NLRP9: variants seen among roughly 807,000 people sequenced by gnomAD.
The protein encoded by NLRP9 is NLR family pyrin domain containing 9, also known as NACHT, LRR and PYD domains-containing protein 9.
In NLRP9, 88 loss-of-function variants were observed where a neutral mutation model predicts 83.1. The ratio of observed to expected loss-of-function variants is 1.06; its 90% CI spans 0.89 to 1.26. NLRP9 has a LOEUF of 1.26. Ranked by LOEUF, NLRP9 falls within the 50% of genes most tolerant of loss-of-function variation. NLRP9 has a pLI of 0.00. For missense variants in NLRP9, 1,308 were observed against 1,179.3 expected, an observed-to-expected ratio of 1.11 and a Z score of -1.60; for synonymous variants, 521 against 447.6, an observed-to-expected ratio of 1.16 and a Z score of -2.07.
At position 55,709,059 on chromosome 19, in the gene NLRP9, A is replaced by G. The variant is rs1214730204; in HGVS notation, c.2844-15T>C. ...ATTTGTGCAGCCTGGGAAAATAGAAATAAAGTTTTTTTTTTTGTTTTTCAT... is the reference window on the plus strand; with the variant it reads ...ATTTGTGCAGCCTGGGAAAATAGAAGTAAAGTTTTTTTTTTTGTTTTTCAT... On this transcript the variant is annotated splice_polypyrimidine_tract_variant and intron_variant, in intron 8 of 8. Transcript: ENST00000332836. 2 of 1,552,494 alleles carry G rather than the reference A, an allele frequency of 1.3e-6. No homozygotes were observed. Among genetic ancestry groups the G allele is most frequent in the Non-Finnish European group, 1.7e-6 (2 of 1,159,342 alleles).
intron 4 of NLRP9, among the ~76,000 whole-genome samples, chr19:55,720,757 G>A (rs937751011): frequency 7.7e-4 from 117 of 152,264 alleles, no homozygotes; most frequent in African/African-American, 2.7e-3. Context: ...GAAGATATTT[G>A]CAATGCATGT....
rs755106555 is a variant in NLRP9, at chr19:55,732,816, TA to T, written c.1014del (p.Phe338LeufsTer10). 1 of 1,614,140 alleles carries T rather than the reference TA, an allele frequency of 6.2e-7. No homozygotes were observed. Among genetic ancestry groups the T allele is most frequent in the South Asian group, 1.1e-5 (1 of 91,080 alleles). ...GPLFILCHNPFTCWLVCTCVK... is the reference protein window; with the variant it reads ...GPLFILCHNPXTCWLVCTCVK... ...ACACAAGTACAGACCAACCAGCACG[TA>T]AAGGGATTATGGCACAAGATAAACA... is the stretch of plus-strand genomic sequence containing the variant. On this transcript the variant is annotated frameshift_variant, in exon 2 of 9. Transcript: ENST00000332836. LOFTEE classifies it high-confidence loss of function.
At position 55,720,427 on chromosome 19, in the gene NLRP9, G is replaced by C. The variant is rs988771936; in HGVS notation, c.2160-3529C>G. On this transcript the variant is annotated intron_variant, in intron 4 of 8. Coordinates refer to ENST00000332836, the MANE Select transcript of NLRP9 (RefSeq NM_176820.4). ...AGCAACCTTGGACCTTTGGGCTCAA[G>C]AGATCCTCCTGCATCAGCCTGATGA... 3.9e-5 allele frequency among the ~76,000 whole-genome samples: 6 copies of C among 152,350 alleles called. 1 individual carries two copies. The highest frequency in any genetic ancestry group is 3.9e-4 in the Admixed American group (6 of 15,302).
Position 55,711,804 on chromosome 19 carries a change from G to A in NLRP9, c.2839C>T (p.Leu947=), listed in dbSNP as rs1987738952. 1 of 1,612,996 alleles carries A rather than the reference G, an allele frequency of 6.2e-7. No homozygotes were observed. Among genetic ancestry groups the A allele is most frequent in the Non-Finnish European group, 8.5e-7 (1 of 1,179,766 alleles). ...AAGGAAACAGTGTCCACTCACCCCA[G>A]CATCTGCAGGGCACAGTCCGGGTGG... ...LSHPDCALQM[L]GLHKSGFDEE... is the part of the protein sequence containing the mutation. The change falls in exon 8 of 9, where the codon CTG becomes TTG. Residue 947 remains leucine (L), a synonymous_variant. Transcript: ENST00000332836.
chr19:55,734,749 C>T (rs1988740230), intron 1 of NLRP9, among the ~76,000 whole-genome samples: 1 of 151,768 alleles, frequency 6.6e-6, no homozygotes, highest in Admixed American at 6.6e-5. Context: ...ATTCTTCTGC[C>T]TCAGCCTCCC....
Position 55,712,570 on chromosome 19 carries a change from G to A in NLRP9, c.2522C>T (p.Thr841Ile), listed in dbSNP as rs1987780816. The A allele has an allele frequency of 2.5e-6, 4 of 1,612,418 alleles. No homozygotes were observed. The highest frequency in any genetic ancestry group is 3.4e-6 in the Non-Finnish European group (4 of 1,179,856). ...AGCAATGTCCTTACAGGAATCGGAA[G>A]TAAGGAAACAGCCCATCAACCTGGG... ...RELWLMGCFLTSDSCKDIAAV... is the reference protein window; with the variant it reads ...RELWLMGCFLISDSCKDIAAV... The change falls in exon 7 of 9, where the codon ACT becomes ATT. Residue 841 changes from threonine (T) to isoleucine (I), a missense_variant. Thr to Ile is a moderately conservative substitution (Grantham distance 89). Transcript: ENST00000332836.
chr19:55,721,472 C>A (rs560258032), intron 4 of NLRP9, among the ~76,000 whole-genome samples: 18 of 152,080 alleles, frequency 1.2e-4, no homozygotes, highest in Non-Finnish European at 2.5e-4. Context: ...TGGATTTAGG[C>A]AAATACCCCA....
rs150906167 is a variant in NLRP9 at position 55,724,015 on chromosome 19, C to T, written c.2124G>A (p.Thr708=). Residue 708 remains threonine (T), a synonymous_variant, in exon 4 of 9, where the codon ACG becomes ACA. Transcript: ENST00000332836. ...CTATCTTGCACATTGGATGTTTCAG[C>T]GTCTCACACAGGTGTCTGATGTCAG... is the stretch of plus-strand genomic sequence containing the variant. The part of the protein sequence containing the change: ...SQSDIRHLCE[T]LKHPMCKIEE... 1.5e-3 allele frequency: 2,402 copies of T among 1,613,824 alleles called. 22 individuals carry two copies. The African/African-American group carries it at 0.021, about 14-fold the overall frequency.
chr19:55,729,615 T>G (rs1988510681), intron 3 of NLRP9, among the ~76,000 whole-genome samples: 1 of 152,216 alleles, frequency 6.6e-6, no homozygotes. Flanking sequence ...TGTGCCACAT[T>G]TTCTTTATCC....
In NLRP9 at chr19:55,732,097, CA is replaced by C; in HGVS notation, c.1733del (p.Leu578TrpfsTer2). On this transcript the variant is annotated frameshift_variant, in exon 2 of 9. Transcript: ENST00000332836. LOFTEE classifies it high-confidence loss of function. ...VFIYIGNIEH[L>X]VIASFCLKHC... ...GCTTCAGGCAGAATGAAGCTATTAC[CA>C]AATGTTCTATGTTACCAATATAAAT... 2 of 1,611,656 alleles carry C rather than the reference CA, an allele frequency of 1.2e-6. No individual in the cohort carries two copies. Among genetic ancestry groups the C allele is most frequent in the Non-Finnish European group, 1.7e-6 (2 of 1,179,196 alleles).
intron 2 of NLRP9, among the ~76,000 whole-genome samples, chr19:55,730,531 G>A (rs1192156300): frequency 6.6e-6 from 1 of 151,764 alleles, no homozygotes; most frequent in Non-Finnish European, 1.5e-5. Flanking sequence ...TGATAGACTG[G>A]ATAAAGAAAA....
chr19:55,725,013 G>A (rs1303147851), intron 3 of NLRP9, among the ~76,000 whole-genome samples: 1 of 151,910 alleles, frequency 6.6e-6, no homozygotes, highest in East Asian at 1.9e-4. Flanking sequence ...GAGCCGAGAT[G>A]GTGCCACTGC....
At position 55,724,079 on chromosome 19, in the gene NLRP9, A is replaced by T. The variant is rs759861922; in HGVS notation, c.2060T>A (p.Leu687Gln). 1.2e-6 allele frequency: 2 copies of T among 1,613,592 alleles called. No homozygotes were observed. The highest frequency in any genetic ancestry group is 2.2e-5 in the South Asian group (2 of 91,078). ...AGTGCCGTACAGGCTCAGAAGTTTC[A>T]GATGAGGGTTGTGAAGAACTGCCTT... ...LFKAVLHNPH[L>Q]KLLSLYGTSL... The change falls in exon 4 of 9, where the codon CTG (leucine) becomes CAG (glutamine). Residue 687 changes from leucine (L) to glutamine (Q), a missense_variant. Transcript: ENST00000332836.
chr19:55,730,045 A>C, intron 2 of NLRP9, 53 bp from the exon 3 acceptor site: 1 of 1,538,848 alleles, frequency 6.5e-7, no homozygotes, highest in Non-Finnish European at 8.9e-7. Context: ...AATTCAAGAC[A>C]TTCTCAAAAC....
intron 8 of NLRP9, chr19:55,709,255 A>G (rs1309625376): frequency 5.7e-6 from 2 of 348,168 alleles, no homozygotes; most frequent in Non-Finnish European, 1.0e-5. Context: ...CATATACAGG[A>G]TGTATCAATT....
intron 1 of NLRP9, among the ~76,000 whole-genome samples, chr19:55,735,087 G>T (rs1165244383): frequency 2.0e-5 from 3 of 152,152 alleles, no homozygotes; most frequent in Non-Finnish European, 4.4e-5. Flanking sequence ...TTGCAAAGGG[G>T]CCCTACAGTC....
intron 3 of NLRP9, among the ~76,000 whole-genome samples, chr19:55,726,773 T>C (rs1988415879): frequency 2.0e-5 from 3 of 152,206 alleles, no homozygotes; most frequent in Non-Finnish European, 4.4e-5. Context: ...TTAGAATCGA[T>C]GTTGAAGGAA....
At position 55,724,000 on chromosome 19, in the gene NLRP9, C is replaced by T. The variant is rs767580546; in HGVS notation, c.2139G>A (p.Met713Ile). The change falls in exon 4 of 9, where the codon ATG (methionine) becomes ATA (isoleucine). Residue 713 changes from methionine to isoleucine, a missense_variant. By Grantham distance (10) the Met-to-Ile change is conservative (BLOSUM62 1). Coordinates refer to ENST00000332836, the MANE Select transcript of NLRP9 (RefSeq NM_176820.4). ...CTTACATCAGCTCTTCTATCTTGCA[C>T]ATTGGATGTTTCAGCGTCTCACACA... ...RHLCETLKHP[M>I]CKIEELILGK... 3 of 1,613,998 alleles carry T rather than the reference C, an allele frequency of 1.9e-6. No individual in the cohort carries two copies. In the South Asian group the frequency reaches 3.3e-5, roughly 18 times the overall value.
In NLRP9 at chr19:55,711,960, A is replaced by G. The variant is rs920665892; in HGVS notation, c.2683T>C (p.Cys895Arg). Residue 895 changes from cysteine to arginine, a missense_variant, in exon 8 of 9, where the codon TGT (cysteine) becomes CGT (arginine). Transcript: ENST00000332836. The stretch of plus-strand genomic sequence containing the variant: ...TCGCAGCAGGCACGGGTGATCGGAC[A>G]CGTTTGCAGCCTGCAAAAGGGAAAC... ...CKLECLGLQT[C>R]PITRACCDDI... The G allele has an allele frequency of 6.2e-7, 1 of 1,612,394 alleles. No individual in the cohort carries two copies. Among genetic ancestry groups the G allele is most frequent in the Non-Finnish European group, 8.5e-7 (1 of 1,179,474 alleles).
Sources: allele counts gnomAD v4.1 joint callset (sites outside exome capture counted in the v4.1 genomes callset), GRCh38; gene constraint gnomAD v4.1.1; transcripts MANE v1.5; gene names NCBI Gene and HGNC (gene_info 2026-07-23, HGNC 2026-07-21).